The following CADM2 variants were observed in gnomAD, a reference collection of about 807,000 sequenced individuals.
CADM2 encodes cell adhesion molecule 2, also known as immunoglobulin superfamily member 4D.
Under a neutral mutation model 49.8 loss-of-function variants are expected in CADM2, and 12 were observed. The observed-to-expected ratio is 0.24, with a 90% confidence interval of 0.15 to 0.39. The LOEUF (loss-of-function observed/expected upper bound fraction) is 0.39. Among genes scored for constraint, CADM2 ranks in the 10% least tolerant of loss-of-function variants. The pLI is 1.00. For synonymous variants in CADM2, 214 were observed against 175.4 expected, an observed-to-expected ratio of 1.22 and a Z score of -1.74; for missense variants, 378 against 492.3, an observed-to-expected ratio of 0.77 and a Z score of 2.20.
chr3:85,747,840 C>T (rs939804807), intron 2 of CADM2, among the ~76,000 whole-genome samples: 9 of 152,010 alleles, frequency 5.9e-5, no homozygotes, highest in Admixed American at 1.3e-4. Flanking sequence ...TAATATTACT[C>T]ATTTTGACAA....
At chr3:85,067,921 C>T (rs1390634158) in intron 1 of CADM2, among the ~76,000 whole-genome samples, 1 of 152,100 alleles carries the variant, frequency 6.6e-6, no homozygotes, top group East Asian at 1.9e-4. Flanking sequence ...ACTATTTAAC[C>T]ATTTATACCA....
chr3:85,237,619 G>T (rs578118538), intron 1 of CADM2, among the ~76,000 whole-genome samples: 2 of 151,266 alleles, frequency 1.3e-5, no homozygotes, highest in Non-Finnish European at 3.0e-5. Context: ...ATGTTGTATG[G>T]ATAGTACAAA....
chr3:85,568,424 T>TC (rs2062345735), intron 1 of CADM2, among the ~76,000 whole-genome samples: 3 of 30,958 alleles, frequency 9.7e-5, no homozygotes, highest in African/African-American at 3.2e-4. Flanking sequence ...TCTTTCTTTC[T>TC]TTCTTTCTTT....
chr3:85,453,699 TA>T (rs899993367), intron 1 of CADM2, among the ~76,000 whole-genome samples: 2 of 151,818 alleles, frequency 1.3e-5, no homozygotes, highest in African/African-American at 2.4e-5. Flanking sequence ...ATCACTTACC[TA>T]AAAAAAACCT....
At chr3:86,000,836 T>C (rs547464884) in intron 8 of CADM2, among the ~76,000 whole-genome samples, 15 of 152,238 alleles carry the variant, frequency 9.9e-5, no homozygotes, top group African/African-American at 3.6e-4. Context: ...TGAGTTTTTA[T>C]CCTAGGAGTG....
intron 1 of CADM2, among the ~76,000 whole-genome samples, chr3:85,320,726 T>C (rs2044577166): frequency 6.6e-6 from 1 of 152,164 alleles, no homozygotes; most frequent in Non-Finnish European, 1.5e-5. Context: ...TGTAGCTTGG[T>C]CTAGTGCTGA....
Position 86,069,569 on chromosome 3 carries a change from A to G in CADM2, c.*2786A>G, listed in dbSNP as rs951929256. 2 of 152,040 alleles carry G rather than the reference A, an allele frequency of 1.3e-5. No individual in the cohort carries two copies. Among genetic ancestry groups the G allele is most frequent in the Non-Finnish European group, 2.9e-5 (2 of 67,906 alleles). The allele number at this position is 152,040 out of a possible 1,614,324, so 9.4% of individuals were successfully genotyped here. A position where few individuals can be genotyped will look rare whatever the true frequency, so the allele number is the denominator to read the frequency against. On this transcript the variant is annotated 3_prime_UTR_variant, in exon 10 of 10. Transcript: ENST00000383699. Reference sequence around the variant, plus strand: ...TATTCCAACAAGTCAGAAAATAATGACATAATATTTCTAAATGAGAATGAT... The same window carrying G: ...TATTCCAACAAGTCAGAAAATAATGGCATAATATTTCTAAATGAGAATGAT...
intron 5 of CADM2, among the ~76,000 whole-genome samples, chr3:85,894,227 C>T (rs1428773477): frequency 6.6e-6 from 1 of 152,128 alleles, no homozygotes. Context: ...AACCATCATT[C>T]TCAGCAAACT....
intron 1 of CADM2, among the ~76,000 whole-genome samples, chr3:85,407,032 CA>C (rs1559823987): frequency 6.6e-6 from 1 of 151,728 alleles, no homozygotes; most frequent in Non-Finnish European, 1.5e-5. Flanking sequence ...CTTGTTCCTA[CA>C]AAAAATAAAA....
intron 1 of CADM2, among the ~76,000 whole-genome samples, chr3:85,343,486 T>C (rs1402475756): frequency 6.6e-6 from 1 of 152,160 alleles, no homozygotes; most frequent in Non-Finnish European, 1.5e-5. Context: ...TTTTTATAAA[T>C]AGAATTAATA....
chr3:84,967,006 C>A (rs1251312913), intron 1 of CADM2, among the ~76,000 whole-genome samples: 1 of 151,756 alleles, frequency 6.6e-6, no homozygotes, highest in East Asian at 1.9e-4. Context: ...AAAACAAAGT[C>A]CTTTAAAAAG....
chr3:85,851,922 T>C (rs1463621277), intron 3 of CADM2, among the ~76,000 whole-genome samples: 1 of 151,948 alleles, frequency 6.6e-6, no homozygotes, highest in East Asian at 1.9e-4. Flanking sequence ...TGGGAAGGGT[T>C]TGGGTGGAGA....
At chr3:85,396,997 G>T (rs1285803336) in intron 1 of CADM2, among the ~76,000 whole-genome samples, 1 of 152,036 alleles carries the variant, frequency 6.6e-6, no homozygotes, top group East Asian at 1.9e-4. Context: ...GAAAATATTT[G>T]CACAGCAAAT....
intron 1 of CADM2, among the ~76,000 whole-genome samples, chr3:85,691,380 G>A (rs1240487355): frequency 1.3e-5 from 2 of 152,172 alleles, no homozygotes; most frequent in Non-Finnish European, 2.9e-5. Context: ...TGGCCATTGT[G>A]AACAATGTTG....
At chr3:85,324,042 A>G (rs1445099282) in intron 1 of CADM2, among the ~76,000 whole-genome samples, 1 of 152,198 alleles carries the variant, frequency 6.6e-6, no homozygotes, top group Non-Finnish European at 1.5e-5. Context: ...TAGACAATAT[A>G]TCTGTATTTA....
At chr3:85,622,283 C>G (rs1470850620) in intron 1 of CADM2, among the ~76,000 whole-genome samples, 1 of 152,052 alleles carries the variant, frequency 6.6e-6, no homozygotes, top group Non-Finnish European at 1.5e-5. Flanking sequence ...AAGCTTCTAT[C>G]TAGTGTTTCC....
intron 6 of CADM2, among the ~76,000 whole-genome samples, chr3:85,932,446 G>A (rs1016301225): frequency 6.6e-6 from 1 of 152,124 alleles, no homozygotes; most frequent in African/African-American, 2.4e-5. Context: ...TAAGTAAATG[G>A]AAACTAAAGA....
intron 2 of CADM2, among the ~76,000 whole-genome samples, chr3:85,789,324 T>C (rs1298823671): frequency 6.6e-6 from 1 of 152,172 alleles, no homozygotes; most frequent in Non-Finnish European, 1.5e-5. Flanking sequence ...GTTCATCAGT[T>C]AGCAAGTAAA....
intron 1 of CADM2, among the ~76,000 whole-genome samples, chr3:85,199,049 G>C (rs1287122548): frequency 1.3e-5 from 2 of 151,814 alleles, no homozygotes; most frequent in Non-Finnish European, 2.9e-5. Flanking sequence ...ACTTCTATTA[G>C]ATTTTCCATC....
Sources: allele counts gnomAD v4.1 joint callset (sites outside exome capture counted in the v4.1 genomes callset), GRCh38; gene constraint gnomAD v4.1.1; transcripts MANE v1.5; gene names NCBI Gene and HGNC (gene_info 2026-07-23, HGNC 2026-07-21).